The following TAF6L variants were observed in gnomAD, a reference collection of about 807,000 sequenced individuals.
TAF6L encodes the protein TAF6-like RNA polymerase II p300/CBP-associated factor-associated factor 65 kDa subunit 6L.
TAF6L carries 34 observed loss-of-function variants against 57.3 expected under a neutral mutation model. The observed-to-expected ratio is 0.59, with a 90% confidence interval of 0.45 to 0.79. TAF6L has a LOEUF of 0.79. Ranked by LOEUF, TAF6L falls within the 30% of genes least tolerant of loss-of-function variation. The pLI is 0.00. For missense variants in TAF6L, 782 were observed against 853.2 expected (o/e 0.92, Z 1.04); for synonymous variants, 417 against 376.3 (o/e 1.11, Z -1.25).
intron 3 of TAF6L, among the ~76,000 whole-genome samples, chr11:62,776,959 C>T (rs2084192751): frequency 6.6e-6 from 1 of 151,938 alleles, no homozygotes; most frequent in South Asian, 2.1e-4. Context: ...CCAACCTGCC[C>T]AACATGGTGA....
chr11:62,780,689 GGAGGCCGAGGTGGGTGGATCATGT>G (rs2084222178), intron 6 of TAF6L, among the ~76,000 whole-genome samples: 1 of 151,994 alleles, frequency 6.6e-6, no homozygotes, highest in Non-Finnish European at 1.5e-5. Context: ...CAGCAGTTTG[GGAGGCCGAGGTGGGTGGATCATGT>G]GAGGCCGGGA....
chr11:62,781,875 T>G lies in TAF6L; in HGVS notation c.532-19T>G. On this transcript the variant is annotated intron_variant, in intron 6 of 10. Coordinates refer to ENST00000294168, the MANE Select transcript of TAF6L (RefSeq NM_006473.4). ...CAATTTTCTGGTGGATCCAATGCAG[T>G]CTGGGCCCTTCCTTTTAGGTTGCAC... 6.2e-7 allele frequency: 1 copy of G among 1,613,020 alleles called. No homozygotes were observed. Among genetic ancestry groups the G allele is most frequent in the South Asian group, 1.1e-5 (1 of 91,018 alleles).
At position 62,784,527 on chromosome 11, in the gene TAF6L, C is replaced by T. The variant is rs140396418; in HGVS notation, c.960+1702C>T. On this transcript the variant is annotated intron_variant, in intron 9 of 10. Transcript: ENST00000294168. ...TTCACCGTGTTAGCCAGGATGGTCT[C>T]GATCTCCTGGCCTCATGATCCGCCC... Among the ~76,000 whole-genome samples the T allele has an allele frequency of 9.4e-3, 1,422 of 151,904 alleles. 20 individuals are homozygous for T. The highest frequency in any genetic ancestry group is 0.033 in the African/African-American group (1,351 of 41,414).
intron 1 of TAF6L, among the ~76,000 whole-genome samples, chr11:62,775,282 A>G (rs1324995139): frequency 6.6e-6 from 1 of 152,162 alleles, no homozygotes; most frequent in Non-Finnish European, 1.5e-5. Flanking sequence ...TCAGGAGAAC[A>G]GCATGGGGGA....
In TAF6L at chr11:62,786,380, G is replaced by A. The variant is rs1217966480; in HGVS notation, c.1081G>A (p.Ala361Thr). The A allele has an allele frequency of 3.1e-6, 5 of 1,614,064 alleles. No individual in the cohort carries two copies. Among genetic ancestry groups the A allele is most frequent in the Non-Finnish European group, 4.2e-6 (5 of 1,179,926 alleles). ...VKADGHKVYG[A>T]ILVAVERLLK... Reference sequence around the variant, plus strand: ...AGCAGATGGACACAAAGTCTATGGAGCCATTCTGGTGAGTACCGTCCCCTT... The same window carrying A: ...AGCAGATGGACACAAAGTCTATGGAACCATTCTGGTGAGTACCGTCCCCTT... Residue 361 changes from alanine to threonine, a missense_variant, in exon 10 of 11, where the codon GCC (alanine) becomes ACC (threonine). By Grantham distance (58) the Ala-to-Thr change is moderately conservative (BLOSUM62 0). Coordinates refer to ENST00000294168, the MANE Select transcript of TAF6L (RefSeq NM_006473.4).
At chr11:62,776,141 A>C (rs1378382677) in intron 2 of TAF6L, among the ~76,000 whole-genome samples, 1 of 152,190 alleles carries the variant, frequency 6.6e-6, no homozygotes, top group Non-Finnish European at 1.5e-5. Flanking sequence ...TCCTCACAAC[A>C]GCCCTGTTGG....
chr11:62,776,513 C>T lies in TAF6L; in HGVS notation c.234+43C>T, dbSNP rs761757486. ...TACAGAGGGCTCAGGTGGCATGAGG[C>T]CACTTCCATGTCCAGTTCAGGGCTG... On this transcript the variant is annotated intron_variant, in intron 3 of 10. Transcript: ENST00000294168. 2.0e-5 allele frequency: 32 copies of T among 1,587,234 alleles called. 1 individual carries two copies. In the East Asian group the frequency reaches 6.7e-4, roughly 33 times the overall value.
rs1226336493 is a variant in TAF6L, at chr11:62,775,901, G to A, written c.118G>A (p.Val40Met). ...DEVAALLAEDVCYRLREATQN... is the reference protein window; with the variant it reads ...DEVAALLAEDMCYRLREATQN... ...GGTGGCGGCGCTGCTCGCAGAGGAC[G>A]TGTGCTATCGTCTGAGAGAGGCCAC... The change falls in exon 2 of 11, where the codon GTG (valine) becomes ATG (methionine). Residue 40 changes from valine (V) to methionine (M), a missense_variant. Coordinates refer to ENST00000294168, the MANE Select transcript of TAF6L (RefSeq NM_006473.4). 2.5e-6 allele frequency: 4 copies of A among 1,613,480 alleles called. No homozygotes were observed. The highest frequency in any genetic ancestry group is 1.7e-4 in the Middle Eastern group (1 of 6,060).
At position 62,787,145 on chromosome 11, in the gene TAF6L, G is replaced by C; in HGVS notation, c.1718G>C (p.Cys573Ser). The change falls in exon 11 of 11, where the codon TGC becomes TCC. Residue 573 changes from cysteine to serine, a missense_variant. By Grantham distance (112) the Cys-to-Ser change is moderately radical. Coordinates refer to ENST00000294168, the MANE Select transcript of TAF6L (RefSeq NM_006473.4). ...IIAGRQAGRR[C>S]RGRLFQTAFP... is the part of the protein sequence containing the mutation. ...GCCGGGCGGCAGGCTGGGAGGCGCT[G>C]CCGCGGGCGCCTTTTCCAGACTGCC... 1 of 1,568,978 alleles carries C rather than the reference G, an allele frequency of 6.4e-7. No individual in the cohort carries two copies.
At position 62,787,182 on chromosome 11, in the gene TAF6L, G is replaced by T; in HGVS notation, c.1755G>T (p.Pro585=). ...GRLFQTAFPA[P]YGPSPASRYV... is the part of the protein sequence containing the mutation. ...TTTTCCAGACTGCCTTCCCCGCGCC[G>T]TACGGGCCTAGCCCGGCCTCGCGCT... The change falls in exon 11 of 11, where the codon CCG becomes CCT. Residue 585 remains proline, a synonymous_variant. Transcript: ENST00000294168. 2 of 1,587,068 alleles carry T rather than the reference G, an allele frequency of 1.3e-6. No homozygotes were observed. Among genetic ancestry groups the T allele is most frequent in the Non-Finnish European group, 8.5e-7 (1 of 1,175,610 alleles).
intron 9 of TAF6L, among the ~76,000 whole-genome samples, chr11:62,783,307 C>T (rs1249704181): frequency 6.6e-6 from 1 of 152,016 alleles, no homozygotes; most frequent in African/African-American, 2.4e-5. Flanking sequence ...ACGGTGAAAC[C>T]CCATCTCTAC....
rs1363312084 is a variant in TAF6L at position 62,774,508 on chromosome 11, G to A, written c.-13-1263G>A. ...CCATTGATCCCCTGCCAGAGGAGTA[G>A]TGGGGGCAATGCCTGGGTGGGTCAT... is the stretch of plus-strand genomic sequence containing the variant. On this transcript the variant is annotated intron_variant, in intron 1 of 10. Transcript: ENST00000294168. The A allele has an allele frequency of 6.7e-6, 3 of 449,574 alleles. No individual in the cohort carries two copies. In the Admixed American group the frequency reaches 7.1e-5, roughly 11 times the overall value. 27.8% of individuals were successfully genotyped at this position (449,574 alleles called of 1,614,324 possible). A position where few individuals can be genotyped will look rare whatever the true frequency, so the allele number is the denominator to read the frequency against.
At chr11:62,776,273 T>A (rs2084187505) in intron 2 of TAF6L, 111 bp from the exon 3 acceptor site, 2 of 1,078,436 alleles carry the variant, frequency 1.9e-6, no homozygotes, top group Non-Finnish European at 2.8e-6. Flanking sequence ...TTCTGATCCC[T>A]AAGCGTGGTC....
At chr11:62,785,708 TA>T (rs1299024681) in intron 9 of TAF6L, among the ~76,000 whole-genome samples, 1 of 151,712 alleles carries the variant, frequency 6.6e-6, no homozygotes, top group Non-Finnish European at 1.5e-5. Context: ...CTAATTTTTG[TA>T]TTTTTAGTAG....
Position 62,778,073 on chromosome 11 carries a change from G to A in TAF6L, c.330G>A (p.Val110=). The A allele has an allele frequency of 6.2e-7, 1 of 1,614,168 alleles. No homozygotes were observed. The highest frequency in any genetic ancestry group is 1.1e-5 in the South Asian group (1 of 91,088). The change falls in exon 4 of 11, where the codon GTG becomes GTA. Residue 110 remains valine (V), a synonymous_variant. Transcript: ENST00000294168. ...CTGAGGATCGAGAGGTGAACCTGGT[G>A]GAGCTGGCCCTGGCTACCAACATCC... ...YFPEDREVNL[V]ELALATNIPK...
Position 62,775,790 on chromosome 11 carries a change from G to A in TAF6L, c.7G>A (p.Glu3Lys). The change falls in exon 2 of 11, where the codon GAG becomes AAG. Residue 3 changes from glutamate to lysine, a missense_variant. By Grantham distance (56) the Glu-to-Lys change is moderately conservative (BLOSUM62 1). Coordinates refer to ENST00000294168, the MANE Select transcript of TAF6L (RefSeq NM_006473.4). ...TCCCAGCTCCACTGGGGCCATGTCA[G>A]AGCGAGAAGAGCGGCGGTTTGTGGA... MS[E>K]REERRFVEIP... The A allele has an allele frequency of 1.2e-6, 2 of 1,608,358 alleles. No individual in the cohort carries two copies. The highest frequency in any genetic ancestry group is 1.7e-6 in the Non-Finnish European group (2 of 1,179,550).
intron 2 of TAF6L, 83 bp downstream of exon 2, chr11:62,776,013 A>T: frequency 6.8e-7 from 1 of 1,479,536 alleles, no homozygotes; most frequent in East Asian, 2.4e-5. Flanking sequence ...GATTTATTCA[A>T]GTGTACACTG....
Position 62,781,395 on chromosome 11 carries a change from C to T in TAF6L, c.532-499C>T, listed in dbSNP as rs149628223. On this transcript the variant is annotated intron_variant, in intron 6 of 10. Coordinates refer to ENST00000294168, the MANE Select transcript of TAF6L (RefSeq NM_006473.4). ...TTCTCAGTTAAAAATGTTGGATGGC[C>T]GGGCGCGGTGGCTCACGCCTGTAAT... 3.9e-3 allele frequency among the ~76,000 whole-genome samples: 593 copies of T among 151,602 alleles called. 2 individuals carry two copies. Among genetic ancestry groups the T allele is most frequent in the Middle Eastern group, 0.01 (3 of 294 alleles).
chr11:62,776,324 G>A, intron 2 of TAF6L, 60 bp from the exon 3 acceptor site: 1 of 1,564,590 alleles, frequency 6.4e-7, no homozygotes, highest in Admixed American at 1.7e-5. Flanking sequence ...CTTCATTTGG[G>A]GTTTCCCATG....
Sources: allele counts gnomAD v4.1 joint callset (sites outside exome capture counted in the v4.1 genomes callset), GRCh38; gene constraint gnomAD v4.1.1; transcripts MANE v1.5; gene names NCBI Gene and HGNC (gene_info 2026-07-23, HGNC 2026-07-21).